RABGAP1L: variants seen among roughly 807,000 people sequenced by gnomAD.
RABGAP1L encodes RAB GTPase activating protein 1 like.
In RABGAP1L, 63 loss-of-function variants were observed where a neutral mutation model predicts 137.7. The ratio of observed to expected loss-of-function variants is 0.46; its 90% CI spans 0.37 to 0.56. RABGAP1L has a LOEUF of 0.56. RABGAP1L is among the 20% of genes least tolerant of loss of function. The pLI is 0.00. For synonymous variants in RABGAP1L, 431 were observed against 433.7 expected (o/e 0.99, Z 0.08); for missense variants, 1,095 against 1,244.0 (o/e 0.88, Z 1.80).
At chr1:174,979,469 G>A (rs1670918219) in intron 23 of RABGAP1L, among the ~76,000 whole-genome samples, 1 of 152,180 alleles carries the variant, frequency 6.6e-6, no homozygotes, top group South Asian at 2.1e-4. Flanking sequence ...GATGACTACT[G>A]AGATCCTGTT....
intron 1 of RABGAP1L, among the ~76,000 whole-genome samples, chr1:174,218,519 C>T (rs770448639): frequency 3.9e-5 from 6 of 152,022 alleles, no homozygotes; most frequent in South Asian, 2.1e-4. Flanking sequence ...TTATTTGCTA[C>T]GTGAAGGCAA....
chr1:174,547,476 A>T (rs1206718197), intron 13 of RABGAP1L, among the ~76,000 whole-genome samples: 1 of 152,082 alleles, frequency 6.6e-6, no homozygotes, highest in Non-Finnish European at 1.5e-5. Context: ...AATTAGCTGG[A>T]TGTGATAGTG....
intron 19 of RABGAP1L, among the ~76,000 whole-genome samples, chr1:174,864,702 T>C (rs1049092651): frequency 6.6e-6 from 1 of 152,330 alleles, no homozygotes; most frequent in African/African-American, 2.4e-5. Context: ...TGAGACTTTG[T>C]CTGGGGACAC....
At chr1:174,195,474 T>G (rs1667505109) in intron 1 of RABGAP1L, among the ~76,000 whole-genome samples, 1 of 152,192 alleles carries the variant, frequency 6.6e-6, no homozygotes, top group East Asian at 1.9e-4. Flanking sequence ...CGTATTTTTT[T>G]GAGAGTGTAA....
chr1:174,347,594 A>G (rs1682563643), intron 11 of RABGAP1L, among the ~76,000 whole-genome samples: 1 of 151,518 alleles, frequency 6.6e-6, no homozygotes, highest in Non-Finnish European at 1.5e-5. Context: ...CCGGGTTCAC[A>G]CCATTCTCCT....
At chr1:174,162,796 T>A (rs1664601369) in intron 1 of RABGAP1L, among the ~76,000 whole-genome samples, 13 of 104,178 alleles carry the variant, frequency 1.2e-4, no homozygotes, top group African/African-American at 2.0e-4. Flanking sequence ...TTTTTTTTTT[T>A]TTTTTTTAAT....
chr1:174,296,364 G>T (rs1677130429), intron 10 of RABGAP1L, among the ~76,000 whole-genome samples: 2 of 152,162 alleles, frequency 1.3e-5, no homozygotes, highest in African/African-American at 4.8e-5. Context: ...TATTAGGATA[G>T]ATTTTACTTT....
intron 19 of RABGAP1L, among the ~76,000 whole-genome samples, chr1:174,931,289 G>A (rs939076894): frequency 1.3e-5 from 2 of 152,154 alleles, no homozygotes; most frequent in Non-Finnish European, 2.9e-5. Flanking sequence ...AATCCCTGCT[G>A]CTAATGGTGA....
chr1:174,968,989 T>TG (rs966368324), intron 20 of RABGAP1L, among the ~76,000 whole-genome samples: 19 of 152,200 alleles, frequency 1.2e-4, no homozygotes, highest in African/African-American at 4.6e-4. Flanking sequence ...CTCACAGGAT[T>TG]GGGGGGGATA....
intron 13 of RABGAP1L, among the ~76,000 whole-genome samples, chr1:174,470,127 T>G (rs1657746812): frequency 6.6e-6 from 1 of 152,074 alleles, no homozygotes; most frequent in African/African-American, 2.4e-5. Context: ...ACTACTGCAT[T>G]TTGCAGGGTT....
At chr1:174,276,611 G>A (rs1675025655) in intron 9 of RABGAP1L, among the ~76,000 whole-genome samples, 1 of 151,974 alleles carries the variant, frequency 6.6e-6, no homozygotes, top group South Asian at 2.1e-4. Flanking sequence ...AACTATTTTT[G>A]CATTATAGTT....
chr1:174,949,085 G>T (rs914371445), intron 19 of RABGAP1L, among the ~76,000 whole-genome samples: 1 of 152,108 alleles, frequency 6.6e-6, no homozygotes, highest in Non-Finnish European at 1.5e-5. Flanking sequence ...ATAGTTTTAT[G>T]TACTTTCTGG....
chr1:174,900,308 A>T (rs1369543419), intron 19 of RABGAP1L, among the ~76,000 whole-genome samples: 1 of 152,170 alleles, frequency 6.6e-6, no homozygotes, highest in Non-Finnish European at 1.5e-5. Context: ...CCGCTTACAG[A>T]ATTTTCTGGA....
chr1:174,659,021 A>T (rs1676178366), intron 14 of RABGAP1L, among the ~76,000 whole-genome samples: 1 of 152,104 alleles, frequency 6.6e-6, no homozygotes, highest in Admixed American at 6.6e-5. Flanking sequence ...AATGAGTAAG[A>T]CCCTATCCAG....
intron 10 of RABGAP1L, among the ~76,000 whole-genome samples, chr1:174,280,624 TC>T (rs1422902258): frequency 3.3e-5 from 5 of 152,342 alleles, no homozygotes; most frequent in African/African-American, 7.2e-5. Flanking sequence ...TCTGCTTTGT[TC>T]CTGTTTACTG....
chr1:174,589,122 A>AT (rs1298060852), intron 13 of RABGAP1L, among the ~76,000 whole-genome samples: 4 of 152,080 alleles, frequency 2.6e-5, no homozygotes, highest in Non-Finnish European at 4.4e-5. Context: ...GTTATTGCCT[A>AT]TTTTTTGGAT....
intron 11 of RABGAP1L, among the ~76,000 whole-genome samples, chr1:174,322,287 TA>T (rs10716123): frequency 0.073 from 11,096 of 152,124 alleles, 598 homozygotes; most frequent in East Asian, 0.32. Context: ...TTTTTTGGCT[TA>T]AAAAACAGAA....
intron 19 of RABGAP1L, among the ~76,000 whole-genome samples, chr1:174,822,092 C>A (rs1014665254): frequency 2.0e-5 from 3 of 152,138 alleles, no homozygotes; most frequent in Non-Finnish European, 4.4e-5. Flanking sequence ...GAAACCCTGT[C>A]TCTACTAAAA....
chr1:174,389,621 G>T (rs1299163059), intron 12 of RABGAP1L, among the ~76,000 whole-genome samples: 1 of 152,048 alleles, frequency 6.6e-6, no homozygotes, highest in Non-Finnish European at 1.5e-5. Flanking sequence ...AATTCAGTGA[G>T]AATGTTTGCT....
Sources: allele counts gnomAD v4.1 joint callset (sites outside exome capture counted in the v4.1 genomes callset), GRCh38; gene constraint gnomAD v4.1.1; transcripts MANE v1.5; gene names NCBI Gene and HGNC (gene_info 2026-07-23, HGNC 2026-07-21).